Variants in DOCK2 observed in about 807,000 individuals in gnomAD.
DOCK2 encodes the protein dedicator of cytokinesis protein 2.
DOCK2 carries 87 observed loss-of-function variants against 248.9 expected under a neutral mutation model. That is an observed-to-expected ratio of 0.35 (90% CI 0.29 to 0.42). DOCK2 has a LOEUF of 0.42. DOCK2 is among the 10% of genes least tolerant of loss of function. DOCK2 has a pLI of 1.00. For missense variants in DOCK2, 1,747 were observed against 2,300.2 expected, an observed-to-expected ratio of 0.76 and a Z score of 4.92; for synonymous variants, 805 against 821.6, an observed-to-expected ratio of 0.98 and a Z score of 0.35.
Position 169,763,331 on chromosome 5 carries a change from A to G in DOCK2, c.2554+1706A>G, listed in dbSNP as rs867532923. ...CCCTCTCAGGATTTCAGGTGGTGCCACTGCAGAGGCAAATTGAGTCCCATC... is the reference window on the plus strand; with the variant it reads ...CCCTCTCAGGATTTCAGGTGGTGCCGCTGCAGAGGCAAATTGAGTCCCATC... On this transcript the variant is annotated intron_variant, in intron 25 of 51. Coordinates refer to ENST00000520908, the MANE Select transcript of DOCK2 (RefSeq NM_004946.3). This position sits in a 1 kb window ranked among gnomAD's most constrained non-coding sequence, Gnocchi z 4.1. Among the ~76,000 whole-genome samples the G allele has an allele frequency of 1.2e-4, 18 of 152,198 alleles. No homozygotes were observed. Among genetic ancestry groups the G allele is most frequent in the African/African-American group, 4.3e-4 (18 of 41,440 alleles).
chr5:169,884,098 T>C lies in DOCK2; in HGVS notation c.2799+43246T>C, dbSNP rs1772833647. 7 of 422,574 alleles carry C rather than the reference T, an allele frequency of 1.7e-5. No homozygotes were observed. The East Asian group carries it at 2.4e-4, about 14-fold the overall frequency. 26.2% of individuals were successfully genotyped at this position (422,574 alleles called of 1,614,324 possible). On this transcript the variant is annotated intron_variant, in intron 27 of 51. Coordinates refer to ENST00000520908, the MANE Select transcript of DOCK2 (RefSeq NM_004946.3). ...TCTACGTAGGAACTATCTGTAATGC[T>C]TTCCCTGCAGTTAAAATATTAATTC...
chr5:169,667,464 G>A (rs1461942342), intron 2 of DOCK2, among the ~76,000 whole-genome samples: 1 of 152,200 alleles, frequency 6.6e-6, no homozygotes, highest in East Asian at 1.9e-4. Context: ...CCTGTACAAC[G>A]TTTAGCATAC....
At chr5:169,871,796 G>T (rs1771994747) in intron 27 of DOCK2, among the ~76,000 whole-genome samples, 1 of 152,210 alleles carries the variant, frequency 6.6e-6, no homozygotes, top group South Asian at 2.1e-4. Context: ...GGGGTGCATG[G>T]GGGACGCTTT....
At chr5:169,656,549 G>A (rs1419488290) in intron 2 of DOCK2, among the ~76,000 whole-genome samples, 2 of 152,284 alleles carry the variant, frequency 1.3e-5, no homozygotes, top group South Asian at 2.1e-4. Context: ...CTGGCCCTAG[G>A]TGATTCGTGC....
At chr5:169,814,781 C>T (rs769115718) in intron 26 of DOCK2, among the ~76,000 whole-genome samples, 3 of 152,094 alleles carry the variant, frequency 2.0e-5, no homozygotes, top group Non-Finnish European at 4.4e-5. Context: ...GTCAAGTATA[C>T]TTATTTCTAT....
At chr5:169,819,208 G>A (rs261596) in intron 26 of DOCK2, among the ~76,000 whole-genome samples, 45,637 of 152,084 alleles carry the variant, frequency 0.3, 9,284 homozygotes, top group African/African-American at 0.59. Context: ...TACTCAGGAC[G>A]TTGAGGAAGG....
intron 26 of DOCK2, among the ~76,000 whole-genome samples, chr5:169,804,877 C>A (rs1767258519): frequency 6.6e-6 from 1 of 152,078 alleles, no homozygotes; most frequent in Non-Finnish European, 1.5e-5. Context: ...AGTATAATAA[C>A]CAAAAGCTTA....
Position 170,081,889 on chromosome 5 carries a change from A to G in DOCK2, c.5335A>G (p.Thr1779Ala), listed in dbSNP as rs2270898. 1.2e-6 allele frequency: 2 copies of G among 1,613,644 alleles called. No homozygotes were observed. Among genetic ancestry groups the G allele is most frequent in the Non-Finnish European group, 1.7e-6 (2 of 1,179,962 alleles). Reference protein sequence around the residue: ...AGIPGLDEANTSPRLSQTFLQ... With the variant: ...AGIPGLDEANASPRLSQTFLQ... ...CATCCCTGGGTTGGATGAGGCCAAC[A>G]CATCTCCCCGCCTCAGCCAGACCTT... Residue 1779 changes from threonine to alanine, a missense_variant, in exon 51 of 52, where the codon ACA becomes GCA. Coordinates refer to ENST00000520908, the MANE Select transcript of DOCK2 (RefSeq NM_004946.3).
At chr5:169,779,619 G>T (rs1013335303) in intron 25 of DOCK2, among the ~76,000 whole-genome samples, 3 of 152,080 alleles carry the variant, frequency 2.0e-5, no homozygotes, top group South Asian at 2.1e-4. Context: ...CAGGCTTTCT[G>T]CCCCACCAGC....
Position 169,637,387 on chromosome 5 carries a change from G to A in DOCK2, c.43+18G>A, listed in dbSNP as rs1385477146. On this transcript the variant is annotated intron_variant, in intron 1 of 51. Coordinates refer to ENST00000520908, the MANE Select transcript of DOCK2 (RefSeq NM_004946.3). The stretch of plus-strand genomic sequence containing the variant: ...CGGCGTGGGTAGGTGCGGGCCCCAG[G>A]GCGCGGCAGGGAGCGGGACAGGTGG... 1 of 1,380,510 alleles carries A rather than the reference G, an allele frequency of 7.2e-7. No homozygotes were observed. Among genetic ancestry groups the A allele is most frequent in the Non-Finnish European group, 9.4e-7 (1 of 1,066,482 alleles). The allele number at this position is 1,380,510 out of a possible 1,614,324, so 85.5% of individuals were successfully genotyped here. A position where few individuals can be genotyped will look rare whatever the true frequency, so the allele number is the denominator to read the frequency against.
rs369522790 is a variant in DOCK2 at position 169,801,415 on chromosome 5, C to T, written c.2555-1643C>T. Among the ~76,000 whole-genome samples the T allele has an allele frequency of 1.8e-3, 278 of 152,150 alleles. 1 individual carries two copies. In the South Asian group the frequency reaches 0.025, roughly 14 times the overall value. On this transcript the variant is annotated intron_variant, in intron 25 of 51. Coordinates refer to ENST00000520908, the MANE Select transcript of DOCK2 (RefSeq NM_004946.3). The stretch of plus-strand genomic sequence containing the variant: ...TCCCTTTGTTTCCTCATCAGCAAAA[C>T]GGGGAAATAATAGTGTCTACCTCCC...
intron 27 of DOCK2, chr5:169,934,614 T>C (rs1775903039): frequency 2.2e-6 from 1 of 455,986 alleles, no homozygotes; most frequent in Non-Finnish European, 4.4e-6. Flanking sequence ...TTGGGCAAGA[T>C]ACTTCCCCTT....
intron 27 of DOCK2, among the ~76,000 whole-genome samples, chr5:169,852,735 A>G (rs562984114): frequency 6.6e-6 from 1 of 152,262 alleles, no homozygotes; most frequent in Non-Finnish European, 1.5e-5. Flanking sequence ...CACAAGTGTC[A>G]GGAATAAGAT....
chr5:169,988,910 C>A (rs1473170507), intron 29 of DOCK2, among the ~76,000 whole-genome samples: 1 of 152,148 alleles, frequency 6.6e-6, no homozygotes, highest in Non-Finnish European at 1.5e-5. Flanking sequence ...CCAGTGTTCC[C>A]CAGAATACCA....
intron 33 of DOCK2, among the ~76,000 whole-genome samples, chr5:170,022,012 T>C (rs553427533): frequency 6.6e-6 from 1 of 152,276 alleles, no homozygotes; most frequent in African/African-American, 2.4e-5. Flanking sequence ...CTCTCTAAAA[T>C]GTGGGTTGCT....
chr5:170,061,097 T>C (rs1757312544), intron 44 of DOCK2, among the ~76,000 whole-genome samples: 2 of 152,198 alleles, frequency 1.3e-5, no homozygotes, highest in South Asian at 4.1e-4. Flanking sequence ...CACTTTCTCT[T>C]TCATCTTATG....
At chr5:169,912,640 T>A (rs1312615557) in intron 27 of DOCK2, among the ~76,000 whole-genome samples, 1 of 151,764 alleles carries the variant, frequency 6.6e-6, no homozygotes, top group African/African-American at 2.4e-5. Flanking sequence ...TGTGTGTGTG[T>A]GAGATGCAGG....
At chr5:170,057,104 C>G (rs1032049102) in intron 43 of DOCK2, 10 of 355,810 alleles carry the variant, frequency 2.8e-5, no homozygotes, top group Non-Finnish European at 4.7e-5. Context: ...AGTAAGAAGC[C>G]ACAGCAATGT....
chr5:169,916,689 C>CTA (rs5873197), intron 27 of DOCK2, among the ~76,000 whole-genome samples: 1 of 151,990 alleles, frequency 6.6e-6, no homozygotes, highest in Non-Finnish European at 1.5e-5. Flanking sequence ...ATATGAGAGA[C>CTA]TTTTTAATAA....
Sources: allele counts gnomAD v4.1 joint callset (sites outside exome capture counted in the v4.1 genomes callset), GRCh38; gene constraint gnomAD v4.1.1; non-coding constraint Gnocchi (gnomAD v3.1); transcripts MANE v1.5; gene names NCBI Gene and HGNC (gene_info 2026-07-23, HGNC 2026-07-21).